ZFPM2: variants seen among roughly 807,000 people sequenced by gnomAD.
ZFPM2 encodes zinc finger protein, FOG family member 2.
ZFPM2 carries 20 observed loss-of-function variants against 98.6 expected under a neutral mutation model. The ratio of observed to expected loss-of-function variants is 0.20; its 90% CI spans 0.14 to 0.29. The LOEUF (loss-of-function observed/expected upper bound fraction) is 0.29, where lower values mean the gene tolerates loss of function less well. ZFPM2 is among the 10% of genes least tolerant of loss of function. ZFPM2 has a pLI of 1.00. For missense variants in ZFPM2, 1,310 were observed against 1,388.6 expected, an observed-to-expected ratio of 0.94 and a Z score of 0.90; for synonymous variants, 518 against 502.7, an observed-to-expected ratio of 1.03 and a Z score of -0.41.
chr8:105,682,231 G>A (rs1442063235), intron 5 of ZFPM2, among the ~76,000 whole-genome samples: 4 of 152,128 alleles, frequency 2.6e-5, no homozygotes, highest in Non-Finnish European at 4.4e-5. Context: ...AATTGGTGGA[G>A]GCACAAGTCA....
chr8:105,721,186 C>G (rs1811653600), intron 5 of ZFPM2, among the ~76,000 whole-genome samples: 1 of 151,892 alleles, frequency 6.6e-6, no homozygotes, highest in South Asian at 2.1e-4. Context: ...TGGGAAATGT[C>G]AGCCCTACGT....
intron 1 of ZFPM2, among the ~76,000 whole-genome samples, chr8:105,323,798 T>C (rs1201158107): frequency 6.6e-6 from 1 of 151,898 alleles, no homozygotes; most frequent in East Asian, 1.9e-4. Flanking sequence ...GCAATGTAAA[T>C]ATAAATGAAC....
intron 4 of ZFPM2, among the ~76,000 whole-genome samples, chr8:105,587,674 G>T (rs1284222191): frequency 2.6e-5 from 4 of 152,122 alleles, no homozygotes; most frequent in Non-Finnish European, 1.5e-5. Context: ...AATAATGGCA[G>T]AATTCCACAG....
chr8:105,453,704 C>G (rs769291919), intron 3 of ZFPM2, among the ~76,000 whole-genome samples: 94 of 151,808 alleles, frequency 6.2e-4, no homozygotes, highest in Non-Finnish European at 1.0e-3. Context: ...TGCAGTGGCC[C>G]CATCTCAGCT....
rs188219725 is a variant in ZFPM2, at chr8:105,758,205, G to A, written c.533-30513G>A. Reference sequence around the variant, plus strand: ...GAAGACCCAAGGTATATGCTTCAGCGGAAATAATCACGACTATCATTCACT... The same window carrying A: ...GAAGACCCAAGGTATATGCTTCAGCAGAAATAATCACGACTATCATTCACT... On this transcript the variant is annotated intron_variant, in intron 5 of 7. Transcript: ENST00000407775. Among the ~76,000 whole-genome samples, 14 of 152,138 alleles carry A rather than the reference G, an allele frequency of 9.2e-5. No individual in the cohort carries two copies. The East Asian group carries it at 2.1e-3, about 23-fold the overall frequency.
chr8:105,350,252 G>C (rs1446335428), intron 1 of ZFPM2, among the ~76,000 whole-genome samples: 1 of 152,156 alleles, frequency 6.6e-6, no homozygotes, highest in Non-Finnish European at 1.5e-5. Context: ...GCTAAAGGCA[G>C]CCACCTTCGG....
intron 5 of ZFPM2, among the ~76,000 whole-genome samples, chr8:105,758,949 C>T (rs1180545621): frequency 6.6e-6 from 1 of 152,102 alleles, no homozygotes; most frequent in Admixed American, 6.6e-5. Flanking sequence ...TAGATCATGA[C>T]ACTCCCTTCC....
chr8:105,466,445 T>A (rs1410870172), intron 3 of ZFPM2, among the ~76,000 whole-genome samples: 4 of 152,102 alleles, frequency 2.6e-5, no homozygotes, highest in African/African-American at 4.8e-5. Context: ...TCTCACATTT[T>A]AAAATTTGGG....
intron 5 of ZFPM2, among the ~76,000 whole-genome samples, chr8:105,709,580 G>A (rs1206291983): frequency 6.6e-6 from 1 of 152,184 alleles, no homozygotes; most frequent in African/African-American, 2.4e-5. Flanking sequence ...AAAGTTTGGG[G>A]CAAATAAATT....
chr8:105,769,273 T>C (rs1245489548), intron 5 of ZFPM2, among the ~76,000 whole-genome samples: 1 of 152,066 alleles, frequency 6.6e-6, no homozygotes, highest in East Asian at 1.9e-4. Flanking sequence ...TCTGCTGAGC[T>C]AGACTTAGCT....
At chr8:105,669,535 C>CAT (rs1554571422) in intron 5 of ZFPM2, among the ~76,000 whole-genome samples, 1 of 130,814 alleles carries the variant, frequency 7.6e-6, no homozygotes, top group African/African-American at 2.8e-5. Context: ...TGAAAGTGTG[C>CAT]ATGTGTGTGT....
chr8:105,337,048 G>C (rs1313411603), intron 1 of ZFPM2, among the ~76,000 whole-genome samples: 1 of 151,768 alleles, frequency 6.6e-6, no homozygotes, highest in Admixed American at 6.6e-5. Flanking sequence ...GAAGAAACCA[G>C]TTGGTGAAAA....
chr8:105,472,637 G>A (rs1455369748), intron 3 of ZFPM2, among the ~76,000 whole-genome samples: 1 of 151,924 alleles, frequency 6.6e-6, no homozygotes, highest in Non-Finnish European at 1.5e-5. Flanking sequence ...CGAGTATCTG[G>A]GACTACAGGC....
intron 1 of ZFPM2, among the ~76,000 whole-genome samples, chr8:105,400,043 C>T (rs190692644): frequency 6.6e-6 from 1 of 152,142 alleles, no homozygotes; most frequent in Non-Finnish European, 1.5e-5. Flanking sequence ...GCTAGGATTA[C>T]AGGTGTGAGC....
chr8:105,452,745 C>A (rs1183564988), intron 3 of ZFPM2, among the ~76,000 whole-genome samples: 1 of 151,984 alleles, frequency 6.6e-6, no homozygotes, highest in Non-Finnish European at 1.5e-5. Context: ...GAATGAGACC[C>A]TGTCTCAAAC....
chr8:105,686,972 C>T (rs1367420797), intron 5 of ZFPM2, among the ~76,000 whole-genome samples: 3 of 152,176 alleles, frequency 2.0e-5, no homozygotes, highest in Non-Finnish European at 4.4e-5. Context: ...CTTCCTTCTA[C>T]GCACACAGCT....
At chr8:105,596,017 A>C (rs1229581883) in intron 4 of ZFPM2, among the ~76,000 whole-genome samples, 1 of 147,816 alleles carries the variant, frequency 6.8e-6, no homozygotes, top group East Asian at 2.0e-4. Context: ...AAAAAAAAAA[A>C]CCAACAACAA....
At chr8:105,409,803 C>T (rs926660068) in intron 1 of ZFPM2, among the ~76,000 whole-genome samples, 4 of 151,782 alleles carry the variant, frequency 2.6e-5, no homozygotes, top group Non-Finnish European at 4.4e-5. Context: ...TTTCTGAAAT[C>T]GGTAGATCTG....
At chr8:105,464,079 G>T (rs1171355233) in intron 3 of ZFPM2, among the ~76,000 whole-genome samples, 2 of 151,892 alleles carry the variant, frequency 1.3e-5, no homozygotes, top group Non-Finnish European at 2.9e-5. Context: ...TTCTCCTTGG[G>T]ACTTGCCTTC....
Sources: allele counts gnomAD v4.1 joint callset (sites outside exome capture counted in the v4.1 genomes callset), GRCh38; gene constraint gnomAD v4.1.1; transcripts MANE v1.5; gene names NCBI Gene and HGNC (gene_info 2026-07-23, HGNC 2026-07-21).